The following USP44 variants were observed in gnomAD, a reference collection of about 807,000 sequenced individuals.
USP44 encodes the protein ubiquitin carboxyl-terminal hydrolase 44.
In USP44, 61 loss-of-function variants were observed where a neutral mutation model predicts 69.0. The observed-to-expected ratio is 0.88, with a 90% CI of 0.72 to 1.09. USP44 has a LOEUF of 1.09. USP44 is among the 50% of genes least tolerant of loss of function. USP44 has a pLI of 0.00. For missense variants in USP44, 753 were observed against 849.9 expected, an observed-to-expected ratio of 0.89 and a Z score of 1.42; for synonymous variants, 297 against 295.4, an observed-to-expected ratio of 1.01 and a Z score of -0.06.
chr12:95,521,066 C>T lies in USP44; in HGVS notation c.1870G>A (p.Val624Met). The change falls in exon 5 of 6, where the codon GTG (valine) becomes ATG (methionine). Residue 624 changes from valine to methionine, a missense_variant. Val to Met is a conservative substitution (Grantham distance 21, BLOSUM62 1). Coordinates refer to ENST00000258499, the MANE Select transcript of USP44 (RefSeq NM_032147.5). Reference protein sequence around the residue: ...PECFIYDLSAVVMHHGKGFGS... With the variant: ...PECFIYDLSAMVMHHGKGFGS... ...AATCCTTTCCCATGGTGCATCACCA[C>T]CGCGGACAAGTCATAGATAAAGCAT... 6.2e-7 allele frequency: 1 copy of T among 1,614,196 alleles called. No individual in the cohort carries two copies. The highest frequency in any genetic ancestry group is 8.5e-7 in the Non-Finnish European group (1 of 1,180,044).
At chr12:95,539,031 A>G (rs2077297626) in intron 1 of USP44, among the ~76,000 whole-genome samples, 1 of 152,228 alleles carries the variant, frequency 6.6e-6, no homozygotes. Flanking sequence ...AGATTCTGAC[A>G]AAATATTACC....
chr12:95,547,741 A>T (rs926447601), intron 1 of USP44, among the ~76,000 whole-genome samples: 1 of 152,112 alleles, frequency 6.6e-6, no homozygotes. Flanking sequence ...TTCCATGCAA[A>T]TTTCACAATC....
rs549205812 is a variant in USP44, at chr12:95,549,462, G to A, written c.-71+1810C>T. ...AAAGGAGGGGAAATCTGGAAAACAG[G>A]AAAGTCAAGGCTAAGGTACCTGAAA... is the stretch of plus-strand genomic sequence containing the variant. On this transcript the variant is annotated intron_variant, in intron 1 of 5. Transcript: ENST00000258499. Among the ~76,000 whole-genome samples the A allele has an allele frequency of 1.1e-4, 16 of 152,246 alleles. No individual in the cohort carries two copies. The South Asian group carries it at 2.7e-3, about 26-fold the overall frequency.
chr12:95,530,757 A>T (rs555049838), intron 2 of USP44, among the ~76,000 whole-genome samples: 1 of 152,334 alleles, frequency 6.6e-6, no homozygotes, highest in African/African-American at 2.4e-5. Flanking sequence ...ACTCTGACAA[A>T]GTCAACTTCT....
In USP44 at chr12:95,520,981, T is replaced by C. The variant is rs779943469; in HGVS notation, c.1939+16A>G. The C allele has an allele frequency of 2.0e-5, 33 of 1,612,810 alleles. No homozygotes were observed. Among genetic ancestry groups the C allele is most frequent in the Non-Finnish European group, 2.7e-5 (32 of 1,179,014 alleles). ...CCAAGTCCAACCCAAGATAAAATAC[T>C]TTTTCTTATCTATACCTCCTTCAGA... On this transcript the variant is annotated intron_variant, in intron 5 of 5. Transcript: ENST00000258499.
intron 5 of USP44, among the ~76,000 whole-genome samples, chr12:95,518,560 G>A (rs2076549555): frequency 6.6e-6 from 1 of 152,174 alleles, no homozygotes; most frequent in African/African-American, 2.4e-5. Flanking sequence ...GCATGTGACT[G>A]ATTAGAGTAC....
At chr12:95,521,882 T>A (rs555847326) in intron 4 of USP44, 4 of 243,580 alleles carry the variant, frequency 1.6e-5, no homozygotes, top group Non-Finnish European at 2.6e-5. Context: ...TGGCCAGGTA[T>A]GGAGGAAAAC....
chr12:95,550,638 C>G (rs1445330308), intron 1 of USP44, among the ~76,000 whole-genome samples: 3 of 152,124 alleles, frequency 2.0e-5, no homozygotes, highest in Admixed American at 1.3e-4. Context: ...AATCAAAACT[C>G]TTGCTTTCCT....
chr12:95,550,431 T>G (rs1363015495), intron 1 of USP44, among the ~76,000 whole-genome samples: 4 of 152,192 alleles, frequency 2.6e-5, no homozygotes, highest in Non-Finnish European at 5.9e-5. Flanking sequence ...GATTCAATAA[T>G]GACCCCAGTG....
chr12:95,523,294 A>G (rs1218030428), intron 4 of USP44, among the ~76,000 whole-genome samples: 4 of 152,138 alleles, frequency 2.6e-5, no homozygotes, highest in Admixed American at 1.3e-4. Context: ...GTTGGTCACA[A>G]TTTCCACAAA....
chr12:95,541,688 A>G lies in USP44; in HGVS notation c.-70-7362T>C, dbSNP rs74451086. ...CAAATATTTCAATAAAAACGTATAC[A>G]TTTGTCAGTCTTGCTTTCAAAATCC... On this transcript the variant is annotated intron_variant, in intron 1 of 5. Coordinates refer to ENST00000258499, the MANE Select transcript of USP44 (RefSeq NM_032147.5). Among the ~76,000 whole-genome samples the G allele has an allele frequency of 3.2e-3, 491 of 152,236 alleles. 1 individual carries two copies. The highest frequency in any genetic ancestry group is 0.011 in the African/African-American group (475 of 41,524).
chr12:95,548,824 G>A lies in USP44; in HGVS notation c.-71+2448C>T, dbSNP rs1257725167. 1.3e-5 allele frequency: 2 copies of A among 151,952 alleles called. No individual in the cohort carries two copies. Among genetic ancestry groups the A allele is most frequent in the Non-Finnish European group, 2.9e-5 (2 of 68,022 alleles). 9.4% of individuals were successfully genotyped at this position (151,952 alleles called of 1,614,324 possible). On this transcript the variant is annotated intron_variant, in intron 1 of 5. Transcript: ENST00000258499. The surrounding 1 kb of genome is among the most constrained non-coding windows in gnomAD (Gnocchi z 4.1). ...GCTCACCCCGGCCCCCCGCCCCCCG[G>A]TTCGGCGGCCGCGACGACCCGGTGC...
intron 1 of USP44, among the ~76,000 whole-genome samples, chr12:95,536,239 C>A (rs941892155): frequency 6.6e-6 from 1 of 151,932 alleles, no homozygotes. Flanking sequence ...GACATAGTTT[C>A]ACCATGTTGC....
At chr12:95,525,802 T>C (rs573126381) in intron 3 of USP44, among the ~76,000 whole-genome samples, 1 of 152,334 alleles carries the variant, frequency 6.6e-6, no homozygotes, top group East Asian at 1.9e-4. Context: ...TACAGTTTGC[T>C]CCTGATGTCC....
chr12:95,543,791 CCT>C (rs1265421858), intron 1 of USP44, among the ~76,000 whole-genome samples: 29 of 151,188 alleles, frequency 1.9e-4, no homozygotes, highest in Non-Finnish European at 3.5e-4. Flanking sequence ...ACAGTGAAAC[CCT>C]GTCTCTACAA....
At chr12:95,520,259 G>A (rs1272707161) in intron 5 of USP44, among the ~76,000 whole-genome samples, 3 of 151,812 alleles carry the variant, frequency 2.0e-5, no homozygotes, top group Non-Finnish European at 4.4e-5. Flanking sequence ...TTGGGAGGCC[G>A]AGGCAGGCGC....
chr12:95,516,805 A>ACTT lies in USP44; in HGVS notation c.*1346_*1348dup, dbSNP rs1360181206. ...TGGTAGAGACCTCTTTCAAGTTTGT[A>ACTT]CTTAACAGATGATCACTAGTGGTGA... On this transcript the variant is annotated 3_prime_UTR_variant, in exon 6 of 6. Coordinates refer to ENST00000258499, the MANE Select transcript of USP44 (RefSeq NM_032147.5). The ACTT allele has an allele frequency of 6.6e-6, 1 of 152,198 alleles. No homozygotes were observed. Among genetic ancestry groups the ACTT allele is most frequent in the Non-Finnish European group, 1.5e-5 (1 of 68,040 alleles). 9.4% of individuals were successfully genotyped at this position (152,198 alleles called of 1,614,324 possible). A position where few individuals can be genotyped will look rare whatever the true frequency, so the allele number is the denominator to read the frequency against.
At position 95,518,197 on chromosome 12, in the gene USP44, G is replaced by C. The variant is rs546776698; in HGVS notation, c.2096C>G (p.Pro699Arg). Residue 699 changes from proline (P) to arginine (R), a missense_variant, in exon 6 of 6, where the codon CCC becomes CGC. By Grantham distance (103) the Pro-to-Arg change is moderately radical. Transcript: ENST00000258499. ...AGACGAGGTATCAGCGTCTTCATTGGGATGTTGGCTCCCCAACAGGAGCTC... is the reference window on the plus strand; with the variant it reads ...AGACGAGGTATCAGCGTCTTCATTGCGATGTTGGCTCCCCAACAGGAGCTC... ...PPELLLGSQHPNEDADTSSNE... is the reference protein window; with the variant it reads ...PPELLLGSQHRNEDADTSSNE... 1.9e-6 allele frequency: 3 copies of C among 1,614,106 alleles called. No homozygotes were observed. In the South Asian group the frequency reaches 3.3e-5, roughly 18 times the overall value.
chr12:95,551,030 T>G (rs1471170785), intron 1 of USP44, among the ~76,000 whole-genome samples: 1 of 152,160 alleles, frequency 6.6e-6, no homozygotes, highest in Non-Finnish European at 1.5e-5. Flanking sequence ...ACCATTTTAT[T>G]CATGATCTTC....
Sources: allele counts gnomAD v4.1 joint callset (sites outside exome capture counted in the v4.1 genomes callset), GRCh38; gene constraint gnomAD v4.1.1; non-coding constraint Gnocchi (gnomAD v3.1); transcripts MANE v1.5; gene names NCBI Gene and HGNC (gene_info 2026-07-23, HGNC 2026-07-21).